FANCL: variants seen among roughly 807,000 people sequenced by gnomAD.
The protein encoded by FANCL is FA complementation group L.
In FANCL, 69 loss-of-function variants were observed where a neutral mutation model predicts 59.4. The observed-to-expected ratio is 1.16, with a 90% CI of 0.96 to 1.42. FANCL has a LOEUF of 1.42. Among genes scored for constraint, FANCL ranks in the 40% most tolerant of loss-of-function variants. The pLI, the probability that FANCL is intolerant of heterozygous loss-of-function variation, is 0.00. For synonymous variants in FANCL, 180 were observed against 147.1 expected (o/e 1.22, Z -1.62); for missense variants, 519 against 447.2 (o/e 1.16, Z -1.45).
At chr2:58,187,446 T>G (rs1688517850) in intron 7 of FANCL, among the ~76,000 whole-genome samples, 1 of 151,182 alleles carries the variant, frequency 6.6e-6, no homozygotes, top group Non-Finnish European at 1.5e-5. Context: ...GGGATAGCAT[T>G]AGGAGAAATA....
At chr2:58,215,915 G>A (rs536146368) in intron 5 of FANCL, among the ~76,000 whole-genome samples, 5 of 151,918 alleles carry the variant, frequency 3.3e-5, no homozygotes, top group African/African-American at 1.2e-4. Flanking sequence ...ACAAGATTTA[G>A]AAAGTTCATA....
chr2:58,207,868 G>A (rs534788006), intron 5 of FANCL, among the ~76,000 whole-genome samples: 58 of 152,262 alleles, frequency 3.8e-4, no homozygotes, highest in African/African-American at 1.3e-3. Flanking sequence ...ACCAGCCTGG[G>A]CGACACAGTG....
chr2:58,217,131 T>TTTTATATATAGA (rs1691804998), intron 5 of FANCL, among the ~76,000 whole-genome samples: 2 of 108,096 alleles, frequency 1.9e-5, no homozygotes, highest in Non-Finnish European at 4.0e-5. Context: ...ATATATATAT[T>TTTTATATATAGA]TTTATATATA....
intron 1 of FANCL, among the ~76,000 whole-genome samples, chr2:58,239,644 T>C (rs1399511775): frequency 6.6e-6 from 1 of 152,220 alleles, no homozygotes; most frequent in Non-Finnish European, 1.5e-5. Context: ...TTTTAATCAC[T>C]GTACTGTGGT....
chr2:58,237,426 C>G (rs1283906217), intron 1 of FANCL, among the ~76,000 whole-genome samples: 1 of 151,996 alleles, frequency 6.6e-6, no homozygotes, highest in African/African-American at 2.4e-5. Context: ...AACAAAACTA[C>G]AGCACACCAA....
At chr2:58,173,491 TAAAGA>T (rs1013424301) in intron 7 of FANCL, among the ~76,000 whole-genome samples, 15 of 152,114 alleles carry the variant, frequency 9.9e-5, no homozygotes, top group Non-Finnish European at 7.3e-5. Context: ...TCAACATTCT[TAAAGA>T]AAAGAATTTT....
intron 5 of FANCL, among the ~76,000 whole-genome samples, chr2:58,209,012 T>C (rs953159522): frequency 6.6e-5 from 10 of 152,202 alleles, no homozygotes; most frequent in Non-Finnish European, 1.5e-4. Context: ...CAACCTTGCC[T>C]TCACCATTCC....
intron 3 of FANCL, among the ~76,000 whole-genome samples, chr2:58,228,445 A>G (rs554315964): frequency 4.1e-4 from 63 of 152,354 alleles, no homozygotes; most frequent in Admixed American, 5.2e-4. Flanking sequence ...CAGATGATCA[A>G]TAAATGACAG....
At chr2:58,169,084 A>G (rs952499896) in intron 7 of FANCL, among the ~76,000 whole-genome samples, 8 of 152,170 alleles carry the variant, frequency 5.3e-5, no homozygotes, top group African/African-American at 1.9e-4. Flanking sequence ...CTCCCACCAC[A>G]ACACTCGAGC....
intron 7 of FANCL, among the ~76,000 whole-genome samples, chr2:58,171,801 G>C (rs1002822991): frequency 2.6e-5 from 4 of 152,198 alleles, no homozygotes; most frequent in African/African-American, 9.7e-5. Flanking sequence ...AGCAGGACGA[G>C]GCACTGCCTC....
At chr2:58,212,916 T>C (rs989045188) in intron 5 of FANCL, among the ~76,000 whole-genome samples, 3 of 152,256 alleles carry the variant, frequency 2.0e-5, no homozygotes, top group African/African-American at 7.2e-5. Flanking sequence ...CATATTTCTT[T>C]CTAAGGAAAG....
At chr2:58,204,748 G>A (rs776013150) in intron 5 of FANCL, among the ~76,000 whole-genome samples, 2 of 152,002 alleles carry the variant, frequency 1.3e-5, no homozygotes, top group Non-Finnish European at 2.9e-5. Flanking sequence ...TATAAGCACA[G>A]GTACAGCCTG....
At position 58,213,437 on chromosome 2, in the gene FANCL, C is replaced by G. The variant is rs143716073; in HGVS notation, c.374+8505G>C. On this transcript the variant is annotated intron_variant, in intron 5 of 13. Transcript: ENST00000233741. The stretch of plus-strand genomic sequence containing the variant: ...TGATAGGTTTTGTCACTCTACCAGA[C>G]AGTAATGGATTAACACAAACAGAAT... 23 of 152,324 alleles carry G rather than the reference C, an allele frequency of 1.5e-4. No individual in the cohort carries two copies. In the East Asian group the frequency reaches 3.9e-3, roughly 26 times the overall value. The allele number at this position is 152,324 out of a possible 1,614,324, so 9.4% of individuals were successfully genotyped here.
At chr2:58,240,813 T>C (rs1461566836) in intron 1 of FANCL, among the ~76,000 whole-genome samples, 3 of 151,940 alleles carry the variant, frequency 2.0e-5, no homozygotes, top group African/African-American at 4.8e-5. Context: ...AACACGAAAA[T>C]AATTAGCCCA....
chr2:58,202,069 C>G (rs1206994571), intron 6 of FANCL, among the ~76,000 whole-genome samples: 1 of 151,634 alleles, frequency 6.6e-6, no homozygotes, highest in South Asian at 2.1e-4. Context: ...GTGTAGTTGA[C>G]TGACAATCGC....
intron 5 of FANCL, among the ~76,000 whole-genome samples, chr2:58,219,661 C>T (rs1283422693): frequency 6.6e-6 from 1 of 151,326 alleles, no homozygotes; most frequent in Non-Finnish European, 1.5e-5. Flanking sequence ...GAACAAAAGT[C>T]AGGTAAGATT....
chr2:58,183,691 A>C (rs1209893298), intron 7 of FANCL, among the ~76,000 whole-genome samples: 1 of 151,920 alleles, frequency 6.6e-6, no homozygotes, highest in Non-Finnish European at 1.5e-5. Context: ...TTTCTATAAC[A>C]TTTTTATAAT....
chr2:58,183,775 T>G (rs979167880), intron 7 of FANCL, among the ~76,000 whole-genome samples: 2 of 151,920 alleles, frequency 1.3e-5, no homozygotes, highest in Non-Finnish European at 2.9e-5. Context: ...GCTCACAGTA[T>G]AGCAAAAAAA....
intron 7 of FANCL, among the ~76,000 whole-genome samples, chr2:58,179,413 G>C (rs988289144): frequency 1.3e-5 from 2 of 151,916 alleles, no homozygotes; most frequent in South Asian, 4.2e-4. Flanking sequence ...CAAAACAGAG[G>C]CCTCAGAAAT....
Sources: allele counts gnomAD v4.1 joint callset (sites outside exome capture counted in the v4.1 genomes callset), GRCh38; gene constraint gnomAD v4.1.1; transcripts MANE v1.5; gene names NCBI Gene and HGNC (gene_info 2026-07-23, HGNC 2026-07-21).